The following EFR3B variants were observed in gnomAD, a reference collection of about 807,000 sequenced individuals.
EFR3B encodes protein EFR3 homolog B.
A neutral mutation model predicts 104.7 loss-of-function variants in EFR3B; 64 were observed. The ratio of observed to expected loss-of-function variants is 0.61; its 90% CI spans 0.50 to 0.75. The LOEUF is 0.75. Among genes scored for constraint, EFR3B ranks in the 30% least tolerant of loss-of-function variants. The pLI is 0.00. For synonymous variants in EFR3B, 385 were observed against 417.9 expected (o/e 0.92, Z 0.96); for missense variants, 750 against 1,078.5 (o/e 0.70, Z 4.27).
intron 1 of EFR3B, among the ~76,000 whole-genome samples, chr2:25,067,244 C>G (rs895845352): frequency 3.9e-5 from 6 of 152,200 alleles, no homozygotes; most frequent in Admixed American, 1.3e-4. Flanking sequence ...CTAGGCACCC[C>G]CACCCAGCTC....
At chr2:25,152,813 AGTGTGTGTGTGTGTGTGT>A (rs60834744) in intron 21 of EFR3B, among the ~76,000 whole-genome samples, 4 of 141,352 alleles carry the variant, frequency 2.8e-5, no homozygotes, top group South Asian at 2.2e-4. Flanking sequence ...TTCATATAGA[AGTGTGTGTGTGTGTGTGT>A]GTGTGTGTGT....
chr2:25,148,293 G>T (rs928154366), intron 19 of EFR3B, among the ~76,000 whole-genome samples: 4 of 148,590 alleles, frequency 2.7e-5, no homozygotes, highest in Non-Finnish European at 5.9e-5. Context: ...TCCCTCTGTC[G>T]CCCAGGCTGG....
chr2:25,129,900 CGGAAAGCCG>C, intron 6 of EFR3B, 66 bp from the exon 7 acceptor site: 1 of 1,506,466 alleles, frequency 6.6e-7, no homozygotes, highest in Non-Finnish European at 8.9e-7. Context: ...GGATGAAACA[CGGAAAGCCG>C]GGATTGTACA....
At position 25,131,369 on chromosome 2, in the gene EFR3B, C is replaced by G; in HGVS notation, c.851C>G (p.Pro284Arg). 1 of 1,550,290 alleles carries G rather than the reference C, an allele frequency of 6.5e-7. No homozygotes were observed. The highest frequency in any genetic ancestry group is 2.4e-5 in the East Asian group (1 of 40,896). ...GCCCAGCTCATCTTCCTCCCGCAGC[C>G]GCAGCACTCACACCTGGTCATCCAG... Reference protein sequence around the residue: ...CFKIIMYSIQPQHSHLVIQQL... With the variant: ...CFKIIMYSIQRQHSHLVIQQL... Residue 284 changes from proline to arginine, a missense_variant and splice_region_variant, in exon 9 of 23, where the codon CCG becomes CGG. Transcript: ENST00000403714. The surrounding 1 kb of genome is among the most constrained non-coding windows in gnomAD (Gnocchi z 7.6).
chr2:25,090,331 TTGAC>T (rs1252866771), intron 1 of EFR3B, among the ~76,000 whole-genome samples: 2 of 152,246 alleles, frequency 1.3e-5, no homozygotes, highest in Non-Finnish European at 2.9e-5. Flanking sequence ...GATTTGGAAG[TTGAC>T]TGAAGAAGTG....
At chr2:25,045,558 G>A (rs1667691073) in intron 1 of EFR3B, among the ~76,000 whole-genome samples, 1 of 152,134 alleles carries the variant, frequency 6.6e-6, no homozygotes, top group African/African-American at 2.4e-5. Flanking sequence ...GAGGCGGGCA[G>A]ATCACCTGAG....
intron 1 of EFR3B, among the ~76,000 whole-genome samples, chr2:25,067,365 G>GT (rs1668364470): frequency 6.6e-6 from 1 of 151,558 alleles, no homozygotes; most frequent in Non-Finnish European, 1.5e-5. Flanking sequence ...GGTTTGGCCT[G>GT]TGAGGGTGCA....
chr2:25,085,392 A>C lies in EFR3B; in HGVS notation c.8-5933A>C, dbSNP rs187483774. 5.7e-3 allele frequency among the ~76,000 whole-genome samples: 864 copies of C among 152,268 alleles called. 3 individuals carry two copies. The highest frequency in any genetic ancestry group is 9.1e-3 in the Non-Finnish European group (620 of 68,014). On this transcript the variant is annotated intron_variant, in intron 1 of 22. Coordinates refer to ENST00000403714, the MANE Select transcript of EFR3B (RefSeq NM_014971.2). ...CATTTGTAGTATTATATTCCTTCCT[A>C]TTTCCCACCTATTTTTAAAGTAGGT...
At chr2:25,135,371 A>G in intron 12 of EFR3B, 96 bp from the exon 13 acceptor site, 1 of 1,398,112 alleles carries the variant, frequency 7.2e-7, no homozygotes, top group Non-Finnish European at 9.8e-7. Context: ...GAGGATGTGT[A>G]CATCAGACCT....
intron 1 of EFR3B, among the ~76,000 whole-genome samples, chr2:25,071,195 C>T (rs1047903887): frequency 2.0e-5 from 3 of 150,910 alleles, no homozygotes; most frequent in African/African-American, 2.4e-5. Context: ...CTCCTGACCT[C>T]GTGATCCGCC....
At chr2:25,064,970 G>A (rs1668291389) in intron 1 of EFR3B, among the ~76,000 whole-genome samples, 1 of 152,126 alleles carries the variant, frequency 6.6e-6, no homozygotes, top group Non-Finnish European at 1.5e-5. Flanking sequence ...CTGAAGCCAG[G>A]TGTCAGGACC....
chr2:25,150,562 T>A lies in EFR3B; in HGVS notation c.2191+820T>A, dbSNP rs529327577. On this transcript the variant is annotated intron_variant, in intron 20 of 22. Coordinates refer to ENST00000403714, the MANE Select transcript of EFR3B (RefSeq NM_014971.2). The stretch of plus-strand genomic sequence containing the variant: ...TGCCTGTAAATGCCAAACTTTTAAA[T>A]TTTTGTCATCATTAATGATAGTCTC... 3.1e-3 allele frequency among the ~76,000 whole-genome samples: 478 copies of A among 152,178 alleles called. 1 individual carries two copies. Among genetic ancestry groups the A allele is most frequent in the African/African-American group, 0.011 (462 of 41,538 alleles).
At position 25,130,252 on chromosome 2, in the gene EFR3B, T is replaced by G; in HGVS notation, c.770+143T>G. On this transcript the variant is annotated intron_variant, in intron 7 of 22. Transcript: ENST00000403714. The surrounding 1 kb of genome is among the most constrained non-coding windows in gnomAD (Gnocchi z 4.6). Reference sequence around the variant, plus strand: ...AGTCGATCCCTTCCCTGTGCCTGTGTTCCCTGCACTGTGACAGCAAAAGCT... The same window carrying G: ...AGTCGATCCCTTCCCTGTGCCTGTGGTCCCTGCACTGTGACAGCAAAAGCT... 1 of 1,312,350 alleles carries G rather than the reference T, an allele frequency of 7.6e-7. No homozygotes were observed. Among genetic ancestry groups the G allele is most frequent in the Non-Finnish European group, 1.0e-6 (1 of 967,750 alleles). 81.3% of individuals were successfully genotyped at this position (1,312,350 alleles called of 1,614,324 possible). A position where few individuals can be genotyped will look rare whatever the true frequency, so the allele number is the denominator to read the frequency against.
At chr2:25,083,981 C>T (rs1668879756) in intron 1 of EFR3B, among the ~76,000 whole-genome samples, 1 of 152,144 alleles carries the variant, frequency 6.6e-6, no homozygotes, top group South Asian at 2.1e-4. Flanking sequence ...AGCTCTGTGA[C>T]AACTGTAACC....
Position 25,152,040 on chromosome 2 carries a change from G to A in EFR3B, c.2298+20G>A, listed in dbSNP as rs371718242. 126 of 1,550,290 alleles carry A rather than the reference G, an allele frequency of 8.1e-5. No individual in the cohort carries two copies. Among genetic ancestry groups the A allele is most frequent in the Middle Eastern group, 1.7e-4 (1 of 6,014 alleles). On this transcript the variant is annotated intron_variant, in intron 21 of 22. Coordinates refer to ENST00000403714, the MANE Select transcript of EFR3B (RefSeq NM_014971.2). ...GCCCGGGTAAGTGAAGCATGACATG[G>A]GCGAGTCCCTGGGAGCCAAGTCAAG...
intron 1 of EFR3B, chr2:25,081,304 C>T: frequency 2.2e-6 from 2 of 927,486 alleles, no homozygotes; most frequent in South Asian, 1.4e-5. Flanking sequence ...GAAACCTGCG[C>T]CTTCATCTCA....
chr2:25,082,663 A>G (rs929710323), intron 1 of EFR3B, among the ~76,000 whole-genome samples: 3 of 152,064 alleles, frequency 2.0e-5, no homozygotes, highest in Admixed American at 2.0e-4. Context: ...TTATTCCACA[A>G]ACCTGTATGA....
chr2:25,137,908 A>G lies in EFR3B; in HGVS notation c.1722+406A>G, dbSNP rs931779955. Reference sequence around the variant, plus strand: ...TTCCCTTGGCCGGGCGTGGTGGCTCATGCCTGTAATCCCAGCACTTTGGGA... The same window carrying G: ...TTCCCTTGGCCGGGCGTGGTGGCTCGTGCCTGTAATCCCAGCACTTTGGGA... On this transcript the variant is annotated intron_variant, in intron 15 of 22. Transcript: ENST00000403714. The surrounding 1 kb of genome is among the most constrained non-coding windows in gnomAD (Gnocchi z 4.7). 6.6e-6 allele frequency among the ~76,000 whole-genome samples: 1 copy of G among 152,202 alleles called. No individual in the cohort carries two copies.
At chr2:25,092,879 C>T (rs1364227010) in intron 2 of EFR3B, 124 bp from the exon 3 acceptor site, 1 of 1,247,026 alleles carries the variant, frequency 8.0e-7, no homozygotes, top group Non-Finnish European at 1.1e-6. Flanking sequence ...CCCACATGTG[C>T]TCCGGCACAT....
Sources: allele counts gnomAD v4.1 joint callset (sites outside exome capture counted in the v4.1 genomes callset), GRCh38; gene constraint gnomAD v4.1.1; non-coding constraint Gnocchi (gnomAD v3.1); transcripts MANE v1.5; gene names NCBI Gene and HGNC (gene_info 2026-07-23, HGNC 2026-07-21).